Variants in GRM4 observed in about 807,000 individuals in gnomAD.
The protein encoded by GRM4 is metabotropic glutamate receptor 4.
Under a neutral mutation model 81.7 loss-of-function variants are expected in GRM4, and 28 were observed. That is an observed-to-expected ratio of 0.34 (90% confidence interval 0.25 to 0.47). The LOEUF is 0.47. Among genes scored for constraint, GRM4 ranks in the 20% least tolerant of loss-of-function variants. The pLI is 1.00. For missense variants in GRM4, 948 were observed against 1,290.0 expected (o/e 0.73, Z 4.06); for synonymous variants, 488 against 528.8 (o/e 0.92, Z 1.06).
At chr6:34,141,678 C>T (rs953609994) in intron 1 of GRM4, among the ~76,000 whole-genome samples, 7 of 117,312 alleles carry the variant, frequency 6.0e-5, no homozygotes, top group African/African-American at 1.6e-4. Context: ...GGCCTGCAGT[C>T]GAGGGGCGGG....
rs770179084 is a variant in GRM4, at chr6:34,040,686, C to T, written c.1231G>A (p.Asp411Asn). The T allele has an allele frequency of 6.2e-7, 1 of 1,614,014 alleles. No homozygotes were observed. Among genetic ancestry groups the T allele is most frequent in the Admixed American group, 1.7e-5 (1 of 60,030 alleles). ...GCGTGGCCCATGGCGTACACGGCAT[C>T]GATCACAAACTGCACCTTCCCCTCC... ...EQEGKVQFVI[D>N]AVYAMGHALH... The change falls in exon 7 of 11, where the codon GAT becomes AAT. Residue 411 changes from aspartate to asparagine, a missense_variant. Coordinates refer to ENST00000538487, the MANE Select transcript of GRM4 (RefSeq NM_000841.4).
Position 34,050,195 on chromosome 6 carries a change from C to T in GRM4, c.1168+6349G>A, listed in dbSNP as rs148036662. ...CCCCAGGGCCTTTGCACTTGCTGAG[C>T]GCTGTGCCTGGTGTGCCCTTTCCTA... On this transcript the variant is annotated intron_variant, in intron 6 of 10. Coordinates refer to ENST00000538487, the MANE Select transcript of GRM4 (RefSeq NM_000841.4). 3.5e-3 allele frequency among the ~76,000 whole-genome samples: 528 copies of T among 152,288 alleles called. 6 individuals are homozygous for T. The highest frequency in any genetic ancestry group is 0.028 in the South Asian group (134 of 4,830).
chr6:34,154,445 G>T lies in GRM4; in HGVS notation c.312+634C>A, dbSNP rs549076517. On this transcript the variant is annotated intron_variant, in intron 1 of 8. Coordinates refer to the GRM4 transcript ENST00000374177. Reference sequence around the variant, plus strand: ...TCCGAGGCATCCCGCTCACTGGTCTGCCTTCCCAGACCGGAAGGAATGTGT... The same window carrying T: ...TCCGAGGCATCCCGCTCACTGGTCTTCCTTCCCAGACCGGAAGGAATGTGT... 1.8e-3 allele frequency among the ~76,000 whole-genome samples: 269 copies of T among 152,306 alleles called. 2 individuals are homozygous for T. The highest frequency in any genetic ancestry group is 6.0e-3 in the African/African-American group (248 of 41,558).
In GRM4 at chr6:34,048,304, G is replaced by A. The variant is rs1765448672; in HGVS notation, c.1169-7556C>T. Among the ~76,000 whole-genome samples the A allele has an allele frequency of 6.6e-6, 1 of 152,150 alleles. No homozygotes were observed. Among genetic ancestry groups the A allele is most frequent in the African/African-American group, 2.4e-5 (1 of 41,432 alleles). On this transcript the variant is annotated intron_variant, in intron 6 of 10. Transcript: ENST00000538487. This position sits in a 1 kb window ranked among gnomAD's most constrained non-coding sequence, Gnocchi z 4.0. ...TCAGGCCCCTCGTCTGTGAAGTAAA[G>A]CTGGCACCTGGGACTAGGCAAGGAG... is the stretch of plus-strand genomic sequence containing the variant.
intron 2 of GRM4, among the ~76,000 whole-genome samples, chr6:34,104,828 A>G (rs1336514357): frequency 6.6e-6 from 1 of 152,180 alleles, no homozygotes; most frequent in Non-Finnish European, 1.5e-5. Flanking sequence ...ACTGACGGGT[A>G]AGGACAGGGA....
At position 34,092,001 on chromosome 6, in the gene GRM4, G is replaced by A. The variant is rs779409259; in HGVS notation, c.618C>T (p.Ala206=). ...SRVVPSDTYQ[A]QAMVDIVRAL... ...CACGGACGATGTCCACCATGGCCTG[G>A]GCCTGGTACGTGTCCGAGGGCACCA... The change falls in exon 3 of 11, where the codon GCC becomes GCT. Residue 206 remains alanine (A), a synonymous_variant. Transcript: ENST00000538487. The surrounding 1 kb of genome is among the most constrained non-coding windows in gnomAD (Gnocchi z 6.8). 3 of 1,613,954 alleles carry A rather than the reference G, an allele frequency of 1.9e-6. No individual in the cohort carries two copies. The highest frequency in any genetic ancestry group is 2.5e-6 in the Non-Finnish European group (3 of 1,179,910).
Position 34,020,767 on chromosome 6 carries a change from A to G in GRM4, c.*2054T>C, listed in dbSNP as rs916808478. 2.6e-5 allele frequency: 4 copies of G among 152,230 alleles called. No homozygotes were observed. The highest frequency in any genetic ancestry group is 2.0e-4 in the Admixed American group (3 of 15,292). The allele number at this position is 152,230 out of a possible 1,614,324, so 9.4% of individuals were successfully genotyped here. A position where few individuals can be genotyped will look rare whatever the true frequency, so the allele number is the denominator to read the frequency against. ...GACCCCAGGGAAGAAGAGATTTCCT[A>G]TGCACAGATGTGTGAGATGCCCAGG... On this transcript the variant is annotated 3_prime_UTR_variant, in exon 11 of 11. Transcript: ENST00000538487.
intron 8 of GRM4, among the ~76,000 whole-genome samples, chr6:34,038,049 G>T (rs2499673): frequency 0.37 from 56,298 of 152,016 alleles, 13,904 homozygotes; most frequent in African/African-American, 0.71. Context: ...CTGCAGGAAT[G>T]TGGAGGCGAG....
intron 2 of GRM4, among the ~76,000 whole-genome samples, chr6:34,122,962 G>A (rs1307291882): frequency 2.6e-5 from 4 of 152,224 alleles, no homozygotes; most frequent in South Asian, 2.1e-4. Flanking sequence ...AGAAGGACAC[G>A]GCCCGAGCAG....
chr6:34,112,598 T>C (rs925283230), intron 2 of GRM4, among the ~76,000 whole-genome samples: 4 of 151,976 alleles, frequency 2.6e-5, no homozygotes, highest in Admixed American at 1.3e-4. Flanking sequence ...TCCCCCCAAA[T>C]GAGGACACTT....
rs541863890 is a variant in GRM4 at position 34,035,472 on chromosome 6, CAG to C, written c.2442+194_2442+195del. On this transcript the variant is annotated intron_variant, in intron 9 of 10. Transcript: ENST00000538487. This position sits in a 1 kb window ranked among gnomAD's most constrained non-coding sequence, Gnocchi z 6.6. ...GAAAGAGGAGAGAAAACCCAGAACCCAGAGAGAAAACTTGCAGCTGGGAGAGA... is the reference window on the plus strand; with the variant it reads ...GAAAGAGGAGAGAAAACCCAGAACCCAGAGAAAACTTGCAGCTGGGAGAGA... Among the ~76,000 whole-genome samples, 65 of 140,774 alleles carry C rather than the reference CAG, an allele frequency of 4.6e-4. 2 individuals are homozygous for C. Among genetic ancestry groups the C allele is most frequent in the African/African-American group, 2.0e-3 (65 of 33,190 alleles). The allele number at this position is 140,774 out of a possible 152,430, so 92.4% of individuals were successfully genotyped here. A position where few individuals can be genotyped will look rare whatever the true frequency, so the allele number is the denominator to read the frequency against.
intron 10 of GRM4, among the ~76,000 whole-genome samples, chr6:34,023,121 C>A (rs1276518612): frequency 6.6e-6 from 1 of 152,218 alleles, no homozygotes; most frequent in Non-Finnish European, 1.5e-5. Flanking sequence ...CACGCCTTTG[C>A]CGGGCTGGGC....
At chr6:34,101,942 G>GTAA in intron 2 of GRM4, 1 of 1,378,488 alleles carries the variant, frequency 7.3e-7, no homozygotes, top group Non-Finnish European at 9.9e-7. Flanking sequence ...CGGAGGCCAG[G>GTAA]GGTATGGCCA....
intron 6 of GRM4, chr6:34,054,408 C>T (rs145470909): frequency 0.011 from 1,630 of 152,252 alleles, 14 homozygotes; most frequent in Non-Finnish European, 0.018. Flanking sequence ...ATGAACTCCG[C>T]CCGCCTCGGC....
At position 34,090,925 on chromosome 6, in the gene GRM4, T is replaced by TGGGTCTGCCAGGAGGGAGAA. The variant is rs1768169753; in HGVS notation, c.736+938_736+957dup. Reference sequence around the variant, plus strand: ...GCAGACGGGCCCTCTCTGCAGGAGGTGGGTCTGCCAGGAGGGAGAAGGGCC... The same window carrying TGGGTCTGCCAGGAGGGAGAA: ...GCAGACGGGCCCTCTCTGCAGGAGGTGGGTCTGCCAGGAGGGAGAAGGGTCTGCCAGGAGGGAGAAGGGCC... On this transcript the variant is annotated intron_variant, in intron 3 of 10. Transcript: ENST00000538487. This position sits in a 1 kb window ranked among gnomAD's most constrained non-coding sequence, Gnocchi z 5.2. 6.6e-6 allele frequency among the ~76,000 whole-genome samples: 1 copy of TGGGTCTGCCAGGAGGGAGAA among 151,762 alleles called. No individual in the cohort carries two copies. Among genetic ancestry groups the TGGGTCTGCCAGGAGGGAGAA allele is most frequent in the Non-Finnish European group, 1.5e-5 (1 of 67,936 alleles).
At chr6:34,093,719 C>A (rs1249081561) in intron 2 of GRM4, among the ~76,000 whole-genome samples, 1 of 152,154 alleles carries the variant, frequency 6.6e-6, no homozygotes, top group African/African-American at 2.4e-5. Context: ...CAGTGAGGGT[C>A]CACCCTCCCC....
rs989368558 is a variant in GRM4, at chr6:34,092,595, G to C, written c.520-496C>G. ...CTCCTTCCTCGTGCCCTGCTCAGAG[G>C]AGATGGAGCCTCGATTCCAGCTCCC... On this transcript the variant is annotated intron_variant, in intron 2 of 10. Coordinates refer to ENST00000538487, the MANE Select transcript of GRM4 (RefSeq NM_000841.4). The surrounding 1 kb of genome is among the most constrained non-coding windows in gnomAD (Gnocchi z 6.8). Among the ~76,000 whole-genome samples the C allele has an allele frequency of 6.6e-6, 1 of 152,022 alleles. No individual in the cohort carries two copies. Among genetic ancestry groups the C allele is most frequent in the Non-Finnish European group, 1.5e-5 (1 of 67,992 alleles).
chr6:34,139,340 G>A (rs1057194976), intron 1 of GRM4, among the ~76,000 whole-genome samples: 4 of 152,214 alleles, frequency 2.6e-5, no homozygotes, highest in Non-Finnish European at 5.9e-5. Flanking sequence ...AAAAAAGGAA[G>A]GTAATTCTTA....
At chr6:34,151,928 C>G (rs989475317) in intron 1 of GRM4, among the ~76,000 whole-genome samples, 2 of 152,052 alleles carry the variant, frequency 1.3e-5, no homozygotes, top group Non-Finnish European at 2.9e-5. Context: ...TGGCAGGCCA[C>G]TCGGGGCAGT....
Sources: allele counts gnomAD v4.1 joint callset (sites outside exome capture counted in the v4.1 genomes callset), GRCh38; gene constraint gnomAD v4.1.1; non-coding constraint Gnocchi (gnomAD v3.1); transcripts MANE v1.5; gene names NCBI Gene and HGNC (gene_info 2026-07-23, HGNC 2026-07-21).